Variants in GRID2 observed in about 807,000 individuals in gnomAD.
The protein encoded by GRID2 is glutamate receptor ionotropic, delta-2.
Under a neutral mutation model 114.8 loss-of-function variants are expected in GRID2, and 33 were observed. The ratio of observed to expected loss-of-function variants is 0.29; its 90% confidence interval spans 0.22 to 0.38. GRID2 has a LOEUF of 0.38. Among genes scored for constraint, GRID2 ranks in the 10% least tolerant of loss-of-function variants. GRID2 has a pLI of 1.00. For synonymous variants in GRID2, 505 were observed against 449.9 expected, an observed-to-expected ratio of 1.12 and a Z score of -1.55; for missense variants, 1,184 against 1,257.7, an observed-to-expected ratio of 0.94 and a Z score of 0.89.
At chr4:92,672,571 A>T (rs1011218892) in intron 2 of GRID2, among the ~76,000 whole-genome samples, 3 of 152,124 alleles carry the variant, frequency 2.0e-5, no homozygotes, top group African/African-American at 7.2e-5. Flanking sequence ...TTTCTAACTT[A>T]ATAAGAGTGT....
At position 93,594,588 on chromosome 4, in the gene GRID2, C is replaced by G. The variant is rs948681230; in HGVS notation, c.2194-31681C>G. On this transcript the variant is annotated intron_variant, in intron 13 of 15. Transcript: ENST00000282020. ...GAGCTGTGGTGGGCTCCACCCAGTT[C>G]GAGCTTCCAGGCTGCTTTGTTTACC... 1.1e-3 allele frequency among the ~76,000 whole-genome samples: 173 copies of G among 152,286 alleles called. 1 individual carries two copies. Among genetic ancestry groups the G allele is most frequent in the African/African-American group, 4.0e-3 (167 of 41,566 alleles).
chr4:92,902,153 C>A (rs1747627807), intron 2 of GRID2, among the ~76,000 whole-genome samples: 2 of 152,218 alleles, frequency 1.3e-5, no homozygotes, highest in African/African-American at 4.8e-5. Context: ...ATTTCTATTT[C>A]TTCCTTCTAC....
At chr4:93,268,072 G>T (rs1240422606) in intron 8 of GRID2, among the ~76,000 whole-genome samples, 1 of 152,120 alleles carries the variant, frequency 6.6e-6, no homozygotes, top group Non-Finnish European at 1.5e-5. Flanking sequence ...TTTTCTGCTG[G>T]ATCTCACCAC....
chr4:92,897,548 C>A (rs1475717834), intron 2 of GRID2, among the ~76,000 whole-genome samples: 2 of 152,192 alleles, frequency 1.3e-5, no homozygotes, highest in Non-Finnish European at 2.9e-5. Context: ...AGGACTTACA[C>A]GTGGGTGCCC....
At chr4:92,533,446 CACATACATACATACATACAT>C (rs71579567) in intron 1 of GRID2, among the ~76,000 whole-genome samples, 5 of 150,014 alleles carry the variant, frequency 3.3e-5, no homozygotes, top group East Asian at 2.0e-4. Context: ...AGTACTAGGA[CACATACATACATACATACAT>C]ACATACATAC....
intron 13 of GRID2, among the ~76,000 whole-genome samples, chr4:93,589,400 G>A (rs1031113024): frequency 1.3e-5 from 2 of 151,756 alleles, no homozygotes; most frequent in East Asian, 1.9e-4. Context: ...TTTTATGGCT[G>A]CATAGTATTC....
chr4:92,757,560 AT>A (rs1737786065), intron 2 of GRID2, among the ~76,000 whole-genome samples: 1 of 152,114 alleles, frequency 6.6e-6, no homozygotes, highest in Non-Finnish European at 1.5e-5. Context: ...TTCTGAGTAT[AT>A]AAAAACAGAT....
intron 2 of GRID2, among the ~76,000 whole-genome samples, chr4:92,614,187 C>T (rs1342156258): frequency 6.6e-6 from 1 of 151,490 alleles, no homozygotes; most frequent in African/African-American, 2.4e-5. Context: ...TATCCTGCCT[C>T]CTCTCTACAC....
intron 1 of GRID2, among the ~76,000 whole-genome samples, chr4:93,787,546 C>T (rs1179876379): frequency 6.6e-6 from 1 of 152,126 alleles, no homozygotes; most frequent in African/African-American, 2.4e-5. Flanking sequence ...CCCCCATTTA[C>T]CCTTACATGG....
intron 8 of GRID2, among the ~76,000 whole-genome samples, chr4:93,342,655 A>G (rs1487832763): frequency 6.6e-6 from 1 of 152,230 alleles, no homozygotes; most frequent in Non-Finnish European, 1.5e-5. Flanking sequence ...AATGATTTGT[A>G]TATAAAACCT....
chr4:92,560,563 C>A (rs1727057183), intron 1 of GRID2, among the ~76,000 whole-genome samples: 1 of 152,154 alleles, frequency 6.6e-6, no homozygotes, highest in Non-Finnish European at 1.5e-5. Context: ...ATCAATGTTT[C>A]ACAAAGGTGC....
intron 2 of GRID2, among the ~76,000 whole-genome samples, chr4:92,997,125 T>A (rs899177416): frequency 2.6e-5 from 4 of 152,192 alleles, no homozygotes; most frequent in African/African-American, 9.6e-5. Context: ...TGCCTATTAA[T>A]AATTGAGATG....
At chr4:93,765,611 T>TATATATATATATATATATATATGAGGC (rs1733599548) in intron 14 of GRID2, among the ~76,000 whole-genome samples, 9 of 16,250 alleles carry the variant, frequency 5.5e-4, no homozygotes, top group Non-Finnish European at 1.2e-4. Flanking sequence ...TGAGGTATTA[T>TATATATATATATATATATATATGAGGC]ATATATATAT....
chr4:93,551,597 A>G (rs1038752127), intron 13 of GRID2, among the ~76,000 whole-genome samples: 2 of 152,238 alleles, frequency 1.3e-5, no homozygotes, highest in African/African-American at 2.4e-5. Context: ...AAGAAAGCAC[A>G]TAGAGATAAA....
At chr4:92,841,541 A>G (rs942368154) in intron 2 of GRID2, among the ~76,000 whole-genome samples, 8 of 152,068 alleles carry the variant, frequency 5.3e-5, no homozygotes, top group Admixed American at 2.0e-4. Context: ...GAATCTAAAT[A>G]TCAGTTAATA....
At chr4:93,671,225 T>C (rs549340025) in intron 14 of GRID2, among the ~76,000 whole-genome samples, 2 of 152,292 alleles carry the variant, frequency 1.3e-5, no homozygotes, top group Admixed American at 1.3e-4. Flanking sequence ...TAAAATACTA[T>C]GCACTAAAGA....
intron 14 of GRID2, among the ~76,000 whole-genome samples, chr4:93,765,431 A>C (rs13106656): frequency 0.95 from 144,745 of 151,982 alleles, 68,996 homozygotes; most frequent in African/African-American, 0.99. Context: ...TAAAATAAAC[A>C]ATACAAAGAG....
chr4:93,224,549 T>G (rs529275890), intron 6 of GRID2, 65 bp from the exon 7 acceptor site: 1 of 1,049,564 alleles, frequency 9.5e-7, no homozygotes, highest in East Asian at 2.4e-5. Context: ...GACAATTATT[T>G]TTTTTCCTTA....
intron 2 of GRID2, among the ~76,000 whole-genome samples, chr4:92,760,644 A>G (rs1278506894): frequency 1.3e-5 from 2 of 152,128 alleles, no homozygotes; most frequent in South Asian, 2.1e-4. Flanking sequence ...TGACCCTGAG[A>G]CAGCATGTCC....
Sources: allele counts gnomAD v4.1 joint callset (sites outside exome capture counted in the v4.1 genomes callset), GRCh38; gene constraint gnomAD v4.1.1; transcripts MANE v1.5; gene names NCBI Gene and HGNC (gene_info 2026-07-23, HGNC 2026-07-21).